Variants in ERMP1 observed in about 807,000 individuals in gnomAD.
ERMP1 encodes Felix-ina.
ERMP1 carries 86 observed loss-of-function variants against 92.0 expected under a neutral mutation model. That is an observed-to-expected ratio of 0.93 (90% CI 0.79 to 1.12). ERMP1 has a LOEUF of 1.12. Ranked by LOEUF, ERMP1 falls within the 50% of genes most tolerant of loss-of-function variation. ERMP1 has a pLI of 0.00. For synonymous variants in ERMP1, 530 were observed against 412.8 expected (o/e 1.28, Z -3.44); for missense variants, 1,342 against 1,116.3 (o/e 1.20, Z -2.88).
At chr9:5,847,618 A>G (rs1248848650) in intron 6 of ERMP1, among the ~76,000 whole-genome samples, 1 of 151,542 alleles carries the variant, frequency 6.6e-6, no homozygotes, top group East Asian at 2.0e-4. Flanking sequence ...AAAATCGGCC[A>G]GGCGCAGTGG....
chr9:5,796,889 A>C (rs1389836557), intron 13 of ERMP1, among the ~76,000 whole-genome samples: 1 of 152,196 alleles, frequency 6.6e-6, no homozygotes, highest in African/African-American at 2.4e-5. Context: ...TCGATTAATA[A>C]TAATATATCA....
chr9:5,822,800 C>T (rs1436116997), intron 4 of ERMP1, among the ~76,000 whole-genome samples: 1 of 152,066 alleles, frequency 6.6e-6, no homozygotes, highest in Non-Finnish European at 1.5e-5. Context: ...TTAATAAAGA[C>T]AATTAAAACC....
upstream of ERMP1, among the ~76,000 whole-genome samples, chr9:5,835,228 T>C (rs2129720505): frequency 6.6e-6 from 1 of 152,284 alleles, no homozygotes; most frequent in South Asian, 2.1e-4. Flanking sequence ...CGTTTGAATA[T>C]TTTTAGCTAC....
upstream of ERMP1, among the ~76,000 whole-genome samples, chr9:5,834,719 G>GTGTGTGTC (rs1443207245): frequency 6.7e-6 from 1 of 149,764 alleles, no homozygotes; most frequent in Non-Finnish European, 1.5e-5. Flanking sequence ...GTGTGTGTGT[G>GTGTGTGTC]TGTGTGTGTG....
intron 5 of ERMP1, among the ~76,000 whole-genome samples, chr9:5,862,523 A>G (rs1006836915): frequency 4.0e-5 from 6 of 149,252 alleles, no homozygotes; most frequent in African/African-American, 1.5e-4. Flanking sequence ...TGTACTTTTT[A>G]TTTTTTGTAG....
At chr9:5,837,660 C>G (rs1232081224), upstream of ERMP1, among the ~76,000 whole-genome samples, 1 of 152,204 alleles carries the variant, frequency 6.6e-6, no homozygotes, top group East Asian at 1.9e-4. Context: ...TTCTTTCTCA[C>G]TCTTTCTGTT....
At position 5,825,146 on chromosome 9, in the gene ERMP1, G is replaced by A. The variant is rs527569854; in HGVS notation, c.714C>T (p.Ala238=). Residue 238 remains alanine, a synonymous_variant, in exon 3 of 15, where the codon GCC becomes GCT. Coordinates refer to ENST00000339450, the MANE Select transcript of ERMP1 (RefSeq NM_024896.3). ...VLRVLSTSSE[A]LHHAVIFLFN... is the part of the protein sequence containing the mutation. ...AGAGAAATATGACAGCATGATGCAAGGCTTCTGAAGATGTTGACAAGACGC... is the reference window on the plus strand; with the variant it reads ...AGAGAAATATGACAGCATGATGCAAAGCTTCTGAAGATGTTGACAAGACGC... 1 of 1,614,056 alleles carries A rather than the reference G, an allele frequency of 6.2e-7. No individual in the cohort carries two copies. Among genetic ancestry groups the A allele is most frequent in the South Asian group, 1.1e-5 (1 of 91,066 alleles).
At position 5,812,129 on chromosome 9, in the gene ERMP1, T is replaced by C. The variant is rs922271307; in HGVS notation, c.1110A>G (p.Arg370=). The change falls in exon 6 of 15, where the codon AGA becomes AGG. Residue 370 remains arginine, a synonymous_variant. Transcript: ENST00000339450. The part of the protein sequence containing the change: ...ADRILTDSIQ[R]AGDNILAVLK... ...AGTCTAAATTGGAATACCAACCTGC[T>C]CTCTGAATGGAATCTGTTAGAATTC... 2.5e-6 allele frequency: 4 copies of C among 1,593,678 alleles called. No homozygotes were observed. The highest frequency in any genetic ancestry group is 3.4e-6 in the Non-Finnish European group (4 of 1,166,798).
Position 5,785,331 on chromosome 9 carries a change from A to T in ERMP1, c.*1813T>A, listed in dbSNP as rs1184655936. The T allele has an allele frequency of 6.6e-6, 1 of 152,222 alleles. No individual in the cohort carries two copies. The highest frequency in any genetic ancestry group is 2.4e-5 in the African/African-American group (1 of 41,452). The allele number at this position is 152,222 out of a possible 1,614,324, so 9.4% of individuals were successfully genotyped here. A position where few individuals can be genotyped will look rare whatever the true frequency, so the allele number is the denominator to read the frequency against. The stretch of plus-strand genomic sequence containing the variant: ...GGGGATAGAAAATAGGCCCATTTTT[A>T]AAATTCATTGAGAAATTATTACTTT... On this transcript the variant is annotated 3_prime_UTR_variant, in exon 15 of 15. Coordinates refer to ENST00000339450, the MANE Select transcript of ERMP1 (RefSeq NM_024896.3).
In ERMP1 at chr9:5,813,168, C is replaced by A. The variant is rs1040127572; in HGVS notation, c.875-133G>T. ...GGGTCCAATATGTACCTTTTCATCC[C>A]TTTTTCTGTAGTTTCCAATGTTTCT... On this transcript the variant is annotated intron_variant, in intron 4 of 14. Transcript: ENST00000339450. The A allele has an allele frequency of 2.0e-5, 16 of 815,020 alleles. No individual in the cohort carries two copies. In the East Asian group the frequency reaches 4.0e-4, roughly 20 times the overall value. 50.5% of individuals were successfully genotyped at this position (815,020 alleles called of 1,614,324 possible).
chr9:5,822,525 T>G (rs779033483), intron 4 of ERMP1, among the ~76,000 whole-genome samples: 2 of 152,226 alleles, frequency 1.3e-5, no homozygotes, highest in Non-Finnish European at 1.5e-5. Flanking sequence ...GTTTAGGTTA[T>G]GAAGACATAC....
intron 3 of ERMP1, among the ~76,000 whole-genome samples, chr9:5,824,792 T>C (rs1398290369): frequency 6.6e-6 from 1 of 152,192 alleles, no homozygotes; most frequent in South Asian, 2.1e-4. Context: ...TCTCAAAACA[T>C]CTCTGAAACT....
At chr9:5,824,645 C>T (rs1426325693) in intron 3 of ERMP1, among the ~76,000 whole-genome samples, 2 of 152,116 alleles carry the variant, frequency 1.3e-5, no homozygotes, top group Admixed American at 6.5e-5. Flanking sequence ...TCGTGATCTG[C>T]CTGCCTCGGC....
upstream of ERMP1, among the ~76,000 whole-genome samples, chr9:5,834,703 ATGTGTGTGTG>A (rs766269385): frequency 7.2e-4 from 89 of 122,992 alleles, no homozygotes; most frequent in African/African-American, 1.9e-3. Context: ...GTATGTATAT[ATGTGTGTGTG>A]TGTGTGTGTG....
chr9:5,792,433 TC>T (rs1459858782), intron 13 of ERMP1, among the ~76,000 whole-genome samples: 8 of 152,134 alleles, frequency 5.3e-5, no homozygotes, highest in African/African-American at 1.9e-4. Flanking sequence ...AAAGATAAAG[TC>T]ATAATGCCAG....
At chr9:5,820,344 T>C (rs1271191644) in intron 4 of ERMP1, among the ~76,000 whole-genome samples, 1 of 152,208 alleles carries the variant, frequency 6.6e-6, no homozygotes, top group Non-Finnish European at 1.5e-5. Context: ...TATGATTCTA[T>C]TTTTGCCAAG....
At chr9:5,812,803 G>A (rs1360113373) in intron 5 of ERMP1, 86 bp downstream of exon 5, 2 of 1,399,414 alleles carry the variant, frequency 1.4e-6, no homozygotes, top group Non-Finnish European at 2.0e-6. Context: ...CTCAGAAAAT[G>A]CTGTTTACTC....
intron 2 of ERMP1, among the ~76,000 whole-genome samples, chr9:5,825,770 T>A (rs1227368107): frequency 6.6e-6 from 1 of 152,150 alleles, no homozygotes; most frequent in Non-Finnish European, 1.5e-5. Flanking sequence ...AGATACCTAA[T>A]CTAGTAAGTC....
At chr9:5,827,950 C>A (rs1001267092) in intron 2 of ERMP1, among the ~76,000 whole-genome samples, 1 of 152,042 alleles carries the variant, frequency 6.6e-6, no homozygotes, top group Non-Finnish European at 1.5e-5. Flanking sequence ...TGCACTCTAG[C>A]CTGGGCGACA....
Sources: allele counts gnomAD v4.1 joint callset (sites outside exome capture counted in the v4.1 genomes callset), GRCh38; gene constraint gnomAD v4.1.1; transcripts MANE v1.5; gene names NCBI Gene and HGNC (gene_info 2026-07-23, HGNC 2026-07-21).